The following ZFPM2 variants were observed in gnomAD, a reference collection of about 807,000 sequenced individuals.
The protein encoded by ZFPM2 is zinc finger protein ZFPM2.
A neutral mutation model predicts 98.6 loss-of-function variants in ZFPM2; 20 were observed. The observed-to-expected ratio is 0.20, with a 90% confidence interval of 0.14 to 0.29. The LOEUF (loss-of-function observed/expected upper bound fraction) is 0.29. Among genes scored for constraint, ZFPM2 ranks in the 10% least tolerant of loss-of-function variants. The pLI is 1.00. For missense variants in ZFPM2, 1,310 were observed against 1,388.6 expected, an observed-to-expected ratio of 0.94 and a Z score of 0.90; for synonymous variants, 518 against 502.7, an observed-to-expected ratio of 1.03 and a Z score of -0.41.
At chr8:105,683,372 A>G (rs948392397) in intron 5 of ZFPM2, among the ~76,000 whole-genome samples, 4 of 152,170 alleles carry the variant, frequency 2.6e-5, no homozygotes, top group Non-Finnish European at 5.9e-5. Flanking sequence ...CTTTGCATTT[A>G]TAAAGTGAAT....
At chr8:105,437,287 A>G (rs961091045) in intron 2 of ZFPM2, among the ~76,000 whole-genome samples, 1 of 152,184 alleles carries the variant, frequency 6.6e-6, no homozygotes, top group Non-Finnish European at 1.5e-5. Flanking sequence ...CAGTATCTCT[A>G]ATTATTTGTA....
intron 1 of ZFPM2, among the ~76,000 whole-genome samples, chr8:105,393,213 G>T (rs1471566162): frequency 6.6e-6 from 1 of 152,066 alleles, no homozygotes; most frequent in African/African-American, 2.4e-5. Flanking sequence ...CCATGCCGTT[G>T]GAAGTGTGGC....
At chr8:105,386,042 G>C (rs765897736) in intron 1 of ZFPM2, among the ~76,000 whole-genome samples, 3 of 152,114 alleles carry the variant, frequency 2.0e-5, no homozygotes, top group Admixed American at 6.5e-5. Flanking sequence ...TAGTTATTGT[G>C]AATATTAAAT....
chr8:105,769,076 A>G (rs1451698724), intron 5 of ZFPM2, among the ~76,000 whole-genome samples: 1 of 152,008 alleles, frequency 6.6e-6, no homozygotes, highest in Non-Finnish European at 1.5e-5. Context: ...AAAACGTTTT[A>G]GCTCAGGTTT....
At chr8:105,451,787 G>C (rs2130255438) in intron 3 of ZFPM2, 1 of 152,244 alleles carries the variant, frequency 6.6e-6, no homozygotes, top group East Asian at 1.9e-4. Context: ...CAGCCACTCA[G>C]CAAACTGACA....
chr8:105,359,485 C>T (rs1372156063), intron 1 of ZFPM2, among the ~76,000 whole-genome samples: 3 of 151,390 alleles, frequency 2.0e-5, no homozygotes, highest in Admixed American at 6.6e-5. Context: ...AAGTGATTCT[C>T]CTGCCTCAGC....
chr8:105,401,904 T>G (rs1284575616), intron 1 of ZFPM2, among the ~76,000 whole-genome samples: 6 of 152,158 alleles, frequency 3.9e-5, no homozygotes, highest in Non-Finnish European at 8.8e-5. Flanking sequence ...GTTTATGGAA[T>G]CTTGTAAAGA....
chr8:105,723,288 T>C (rs569425004), intron 5 of ZFPM2, among the ~76,000 whole-genome samples: 1 of 151,952 alleles, frequency 6.6e-6, no homozygotes, highest in Non-Finnish European at 1.5e-5. Context: ...GCTTGATGGC[T>C]CTCACAACTT....
chr8:105,667,021 A>T (rs955737301), intron 5 of ZFPM2, among the ~76,000 whole-genome samples: 3 of 152,198 alleles, frequency 2.0e-5, no homozygotes, highest in Non-Finnish European at 2.9e-5. Context: ...TAAAAGTGGA[A>T]TTAGCCACTT....
At chr8:105,439,019 T>TG (rs1410235269) in intron 2 of ZFPM2, among the ~76,000 whole-genome samples, 1 of 130,046 alleles carries the variant, frequency 7.7e-6, no homozygotes, top group Non-Finnish European at 1.5e-5. Flanking sequence ...CAGAAAGCAC[T>TG]GTTTTTTTTA....
chr8:105,351,564 G>A (rs1481568820), intron 1 of ZFPM2, among the ~76,000 whole-genome samples: 1 of 152,096 alleles, frequency 6.6e-6, no homozygotes, highest in Non-Finnish European at 1.5e-5. Flanking sequence ...AATCAGAATT[G>A]CCATGAGATA....
chr8:105,697,736 C>G (rs1811051804), intron 5 of ZFPM2, among the ~76,000 whole-genome samples: 1 of 151,992 alleles, frequency 6.6e-6, no homozygotes, highest in South Asian at 2.1e-4. Flanking sequence ...TAAAAATTGT[C>G]TTTTTCCATG....
chr8:105,529,078 G>A (rs907554924), intron 3 of ZFPM2: 1 of 152,194 alleles, frequency 6.6e-6, no homozygotes, highest in African/African-American at 2.4e-5. Flanking sequence ...GAGGCTAGAA[G>A]TCTGAGATCA....
At chr8:105,429,012 G>A (rs776495845) in intron 2 of ZFPM2, among the ~76,000 whole-genome samples, 1 of 152,182 alleles carries the variant, frequency 6.6e-6, no homozygotes, top group Non-Finnish European at 1.5e-5. Context: ...TGCACAGACA[G>A]TAGGCTGTGA....
chr8:105,606,246 C>A (rs764496114), intron 4 of ZFPM2, among the ~76,000 whole-genome samples: 2 of 152,074 alleles, frequency 1.3e-5, no homozygotes, highest in Non-Finnish European at 2.9e-5. Context: ...TCTCTCCTCA[C>A]CCTAAGAGGA....
At chr8:105,728,843 C>G (rs1811869012) in intron 5 of ZFPM2, among the ~76,000 whole-genome samples, 1 of 151,756 alleles carries the variant, frequency 6.6e-6, no homozygotes, top group Non-Finnish European at 1.5e-5. Flanking sequence ...GCAATTCCTT[C>G]TCTCCTCCAA....
chr8:105,664,823 C>T (rs1817459650), intron 5 of ZFPM2, among the ~76,000 whole-genome samples: 1 of 151,934 alleles, frequency 6.6e-6, no homozygotes, highest in African/African-American at 2.4e-5. Context: ...AGTATAAAGG[C>T]TGAAGTACTG....
At chr8:105,331,167 A>AT (rs1475710123) in intron 1 of ZFPM2, among the ~76,000 whole-genome samples, 27 of 119,110 alleles carry the variant, frequency 2.3e-4, no homozygotes, top group African/African-American at 6.2e-4. Flanking sequence ...TATATATATT[A>AT]TACACACACA....
intron 6 of ZFPM2, among the ~76,000 whole-genome samples, chr8:105,792,742 C>T (rs150822852): frequency 4.6e-5 from 7 of 152,084 alleles, no homozygotes; most frequent in East Asian, 3.9e-4. Context: ...AGGTCACTCA[C>T]GACTTGCTTT....
Sources: gnomAD v4.1 joint callset for allele counts (sites outside exome capture counted in the v4.1 genomes callset) on GRCh38, gnomAD v4.1.1 for gene constraint, MANE v1.5 for transcripts, NCBI Gene and HGNC (gene_info 2026-07-23, HGNC 2026-07-21) for gene names.